TLE3: variants seen among roughly 807,000 people sequenced by gnomAD.
The protein encoded by TLE3 is transducin-like enhancer protein 3.
TLE3 carries 14 observed loss-of-function variants against 93.0 expected under a neutral mutation model. That is an observed-to-expected ratio of 0.15 (90% CI 0.10 to 0.24). The LOEUF (loss-of-function observed/expected upper bound fraction) is 0.24, where lower values mean the gene tolerates loss of function less well. Ranked by LOEUF, TLE3 falls within the 10% of genes least tolerant of loss-of-function variation. TLE3 has a pLI of 1.00. For missense variants in TLE3, 693 were observed against 1,046.6 expected (o/e 0.66, Z 4.66); for synonymous variants, 451 against 425.0 (o/e 1.06, Z -0.75).
chr15:70,059,237 G>C (rs897808264), intron 10 of TLE3, among the ~76,000 whole-genome samples, 173 bp downstream of exon 10: 2 of 152,118 alleles, frequency 1.3e-5, no homozygotes, highest in African/African-American at 4.8e-5. Context: ...ACACCATGCA[G>C]CAAAGCCCTG....
intron 1 of TLE3, 44 bp downstream of exon 1, chr15:70,096,731 C>T: frequency 6.2e-7 from 1 of 1,609,908 alleles, no homozygotes; most frequent in Non-Finnish European, 8.5e-7. Flanking sequence ...CTCGTTTACC[C>T]TGCCATGATA....
intron 1 of TLE3, chr15:70,096,536 G>A (rs777300890): frequency 2.2e-4 from 297 of 1,357,048 alleles, no homozygotes; most frequent in Non-Finnish European, 2.7e-4. Flanking sequence ...ACTTCAGAGC[G>A]GGGCCGGGGA....
chr15:70,081,856 G>A (rs1432969238), intron 4 of TLE3, among the ~76,000 whole-genome samples: 2 of 152,208 alleles, frequency 1.3e-5, no homozygotes, highest in African/African-American at 4.8e-5. Context: ...GGGAAGTGAC[G>A]ATTTTCATCC....
chr15:70,061,533 G>A (rs2056474173), intron 8 of TLE3, among the ~76,000 whole-genome samples: 1 of 152,190 alleles, frequency 6.6e-6, no homozygotes, highest in Non-Finnish European at 1.5e-5. Flanking sequence ...GGGGTTGATA[G>A]TGGTCAGAAA....
chr15:70,053,162 C>T lies in TLE3; in HGVS notation c.1974+65G>A. Reference sequence around the variant, plus strand: ...AGGGTCCCTTTGTCCCTGACCCAGCCACTGGGGCCCCGGAGGGAGGGAACA... The same window carrying T: ...AGGGTCCCTTTGTCCCTGACCCAGCTACTGGGGCCCCGGAGGGAGGGAACA... On this transcript the variant is annotated intron_variant, in intron 17 of 19. Coordinates refer to ENST00000451782, the MANE Select transcript of TLE3 (RefSeq NM_001105192.3). 4 of 1,543,090 alleles carry T rather than the reference C, an allele frequency of 2.6e-6. No homozygotes were observed. The Admixed American group carries it at 7.7e-5, about 30-fold the overall frequency.
At chr15:70,079,293 T>G in intron 4 of TLE3, 1 of 467,014 alleles carries the variant, frequency 2.1e-6, no homozygotes, top group Admixed American at 2.8e-5. Flanking sequence ...CTGAGGCCCA[T>G]GTTCGACGAA....
At chr15:70,074,385 A>G (rs1363330894) in intron 6 of TLE3, 148 bp downstream of exon 6, 2 of 979,930 alleles carry the variant, frequency 2.0e-6, no homozygotes, top group East Asian at 5.4e-5. Context: ...ACATGGGTCC[A>G]AGCCCTTGGG....
chr15:70,095,441 C>T, intron 3 of TLE3, 137 bp downstream of exon 3: 2 of 1,534,102 alleles, frequency 1.3e-6, no homozygotes, highest in Non-Finnish European at 8.8e-7. Flanking sequence ...AGGGCAAGAC[C>T]AGATTATGCC....
At chr15:70,082,736 A>G (rs898163888) in intron 4 of TLE3, among the ~76,000 whole-genome samples, 2 of 152,200 alleles carry the variant, frequency 1.3e-5, no homozygotes, top group Non-Finnish European at 2.9e-5. Flanking sequence ...TGCTGGCCTG[A>G]GCCGGCCTGT....
chr15:70,063,854 A>T (rs1186875328), intron 8 of TLE3, among the ~76,000 whole-genome samples: 1 of 152,200 alleles, frequency 6.6e-6, no homozygotes, highest in Non-Finnish European at 1.5e-5. Context: ...TCTTAAATCG[A>T]GTGAAAGCCC....
chr15:70,083,267 A>T (rs77946412), intron 4 of TLE3, among the ~76,000 whole-genome samples: 1 of 44 alleles, frequency 0.023, no homozygotes, highest in Non-Finnish European at 0.1. Flanking sequence ...TTAGGACTCT[A>T]AAGAGTTTCA....
chr15:70,088,641 A>C (rs991812377), intron 4 of TLE3, among the ~76,000 whole-genome samples: 3 of 151,648 alleles, frequency 2.0e-5, no homozygotes, highest in Non-Finnish European at 4.4e-5. Context: ...GCTCTCTTAA[A>C]CCAGACTGTC....
chr15:70,094,166 C>T (rs1203680839), intron 4 of TLE3, among the ~76,000 whole-genome samples: 1 of 151,270 alleles, frequency 6.6e-6, no homozygotes, highest in African/African-American at 2.4e-5. Flanking sequence ...AAAAAAAAAT[C>T]CTCCTGCATT....
intron 6 of TLE3, among the ~76,000 whole-genome samples, chr15:70,070,484 C>T (rs776219978): frequency 1.7e-4 from 26 of 152,164 alleles, no homozygotes; most frequent in Non-Finnish European, 3.2e-4. Flanking sequence ...GTCCTGACAG[C>T]GTAAAATGAA....
intron 4 of TLE3, among the ~76,000 whole-genome samples, chr15:70,093,509 G>A (rs2058400308): frequency 6.6e-6 from 1 of 152,230 alleles, no homozygotes; most frequent in Admixed American, 6.5e-5. Context: ...AGGCTAGAAT[G>A]AGTCAACAGC....
At chr15:70,095,146 C>T (rs143264811) in intron 3 of TLE3, among the ~76,000 whole-genome samples, 1 of 152,170 alleles carries the variant, frequency 6.6e-6, no homozygotes, top group African/African-American at 2.4e-5. Context: ...TTCTGTCCTA[C>T]TCTGGCTAGA....
Position 70,056,355 on chromosome 15 carries a change from G to T in TLE3, c.1271C>A (p.Pro424His). ...GGGGAGGCCTGTGGCCCGCATCGGG[G>T]GGTGAGGGTCAAAACCAACCTGTAA... is the stretch of plus-strand genomic sequence containing the variant. ...SFGAVGFDPH[P>H]PMRATGLPSS... The change falls in exon 14 of 20, where the codon CCC (proline) becomes CAC (histidine). Residue 424 changes from proline to histidine, a missense_variant. By Grantham distance (77) the Pro-to-His change is moderately conservative (BLOSUM62 -2). Transcript: ENST00000451782. 1 of 1,613,538 alleles carries T rather than the reference G, an allele frequency of 6.2e-7. No homozygotes were observed. The highest frequency in any genetic ancestry group is 8.5e-7 in the Non-Finnish European group (1 of 1,179,846).
At chr15:70,051,866 TC>T (rs2055578415) in intron 18 of TLE3, among the ~76,000 whole-genome samples, 1 of 152,098 alleles carries the variant, frequency 6.6e-6, no homozygotes, top group East Asian at 1.9e-4. Context: ...TGGGCGACCT[TC>T]CTCCAAGCAG....
intron 1 of TLE3, 164 bp downstream of exon 1, chr15:70,096,611 C>G: frequency 6.5e-7 from 1 of 1,541,346 alleles, no homozygotes; most frequent in Admixed American, 2.0e-5. Flanking sequence ...AATTAACCTC[C>G]TCTCTCAACG....
Sources: gnomAD v4.1 joint callset for allele counts (sites outside exome capture counted in the v4.1 genomes callset) on GRCh38, gnomAD v4.1.1 for gene constraint, MANE v1.5 for transcripts, NCBI Gene and HGNC (gene_info 2026-07-23, HGNC 2026-07-21) for gene names.